The following ANO3 variants were observed in gnomAD, a reference collection of about 807,000 sequenced individuals.
ANO3 encodes anoctamin 3.
In ANO3, 99 loss-of-function variants were observed where a neutral mutation model predicts 144.8. That is an observed-to-expected ratio of 0.68 (90% CI 0.58 to 0.81). The LOEUF (loss-of-function observed/expected upper bound fraction) is 0.81. Among genes scored for constraint, ANO3 ranks in the 30% least tolerant of loss-of-function variants. ANO3 has a pLI of 0.00. For missense variants in ANO3, 905 were observed against 1,202.2 expected (o/e 0.75, Z 3.66); for synonymous variants, 414 against 392.6 (o/e 1.05, Z -0.64).
intron 1 of ANO3, among the ~76,000 whole-genome samples, chr11:26,313,203 G>T (rs545654406): frequency 6.6e-6 from 1 of 152,094 alleles, no homozygotes; most frequent in African/African-American, 2.4e-5. Flanking sequence ...CTTTTCTTAG[G>T]ACATGTGTCC....
chr11:26,445,749 A>G (rs1463926209), intron 3 of ANO3, among the ~76,000 whole-genome samples: 1 of 152,146 alleles, frequency 6.6e-6, no homozygotes, highest in Non-Finnish European at 1.5e-5. Flanking sequence ...TCAGGAATCC[A>G]ACTGGATGTA....
intron 1 of ANO3, among the ~76,000 whole-genome samples, chr11:26,434,681 C>T (rs1287001542): frequency 2.0e-5 from 3 of 152,066 alleles, no homozygotes; most frequent in Non-Finnish European, 2.9e-5. Context: ...ATTTCACTTA[C>T]CTAAAAGTCA....
At chr11:26,241,374 T>C (rs1852661656) in intron 1 of ANO3, among the ~76,000 whole-genome samples, 2 of 152,210 alleles carry the variant, frequency 1.3e-5, no homozygotes, top group South Asian at 4.1e-4. Context: ...TCAAGAGGAA[T>C]AGGACCTAAA....
chr11:26,277,286 A>C (rs1349900335), intron 1 of ANO3, among the ~76,000 whole-genome samples: 1 of 152,140 alleles, frequency 6.6e-6, no homozygotes, highest in African/African-American at 2.4e-5. Context: ...TTCTCATTAT[A>C]TAAATAGAAG....
Position 26,451,083 on chromosome 11 carries a change from A to G in ANO3, c.313+7247A>G, listed in dbSNP as rs534261333. Among the ~76,000 whole-genome samples the G allele has an allele frequency of 1.4e-4, 22 of 152,326 alleles. No homozygotes were observed. The South Asian group carries it at 4.6e-3, about 32-fold the overall frequency. On this transcript the variant is annotated intron_variant, in intron 3 of 26. Transcript: ENST00000256737. Reference sequence around the variant, plus strand: ...ATAAAGCATACAATTGATGATTAGAAAACAGACTTATAGGGGAGGAGCCAA... The same window carrying G: ...ATAAAGCATACAATTGATGATTAGAGAACAGACTTATAGGGGAGGAGCCAA...
chr11:26,490,591 C>T (rs536990971), intron 4 of ANO3, among the ~76,000 whole-genome samples: 23 of 152,208 alleles, frequency 1.5e-4, no homozygotes, highest in East Asian at 1.2e-3. Flanking sequence ...AGATATTCCA[C>T]GTATCTGAAA....
chr11:26,646,003 A>T (rs1853332192), intron 23 of ANO3, among the ~76,000 whole-genome samples: 1 of 152,198 alleles, frequency 6.6e-6, no homozygotes, highest in African/African-American at 2.4e-5. Flanking sequence ...TACTTTGCTC[A>T]AGCCAGACAA....
intron 1 of ANO3, among the ~76,000 whole-genome samples, chr11:26,265,400 C>T (rs1853286926): frequency 6.6e-6 from 1 of 152,156 alleles, no homozygotes; most frequent in Non-Finnish European, 1.5e-5. Flanking sequence ...TCCATGTTAT[C>T]AATGCTTAGC....
intron 4 of ANO3, among the ~76,000 whole-genome samples, chr11:26,496,995 T>TATATATAG: frequency 7.9e-6 from 1 of 126,642 alleles, no homozygotes; most frequent in South Asian, 2.7e-4. Flanking sequence ...TATATATATA[T>TATATATAG]ACACACACAG....
chr11:26,365,574 T>C (rs1856045947), intron 1 of ANO3, among the ~76,000 whole-genome samples: 1 of 152,234 alleles, frequency 6.6e-6, no homozygotes, highest in South Asian at 2.1e-4. Flanking sequence ...TTCACTCTTA[T>C]ACTCTGCATG....
intron 1 of ANO3, among the ~76,000 whole-genome samples, chr11:26,311,485 T>A (rs903268124): frequency 5.9e-5 from 9 of 152,230 alleles, no homozygotes; most frequent in Non-Finnish European, 1.0e-4. Flanking sequence ...AATTTAGGAT[T>A]AGAATTGTTA....
chr11:26,382,593 A>G (rs953049381), intron 1 of ANO3, among the ~76,000 whole-genome samples: 1 of 152,110 alleles, frequency 6.6e-6, no homozygotes, highest in Non-Finnish European at 1.5e-5. Context: ...GTTGTCCCCA[A>G]ATGTTCCTCT....
chr11:26,612,956 C>T (rs538699365), intron 17 of ANO3, among the ~76,000 whole-genome samples: 3 of 152,190 alleles, frequency 2.0e-5, no homozygotes, highest in South Asian at 2.1e-4. Flanking sequence ...GTTTGATTAA[C>T]GAGTACTTTG....
chr11:26,474,587 A>G (rs1859893700), intron 4 of ANO3, among the ~76,000 whole-genome samples: 1 of 151,906 alleles, frequency 6.6e-6, no homozygotes, highest in Non-Finnish European at 1.5e-5. Flanking sequence ...AAATAAATAA[A>G]TCACATCAGG....
intron 1 of ANO3, among the ~76,000 whole-genome samples, chr11:26,249,769 A>G (rs572425436): frequency 1.3e-5 from 2 of 152,106 alleles, no homozygotes; most frequent in Non-Finnish European, 2.9e-5. Flanking sequence ...CTCTGCTGAA[A>G]AAAACAAACA....
At chr11:26,343,357 G>A (rs1287974465) in intron 1 of ANO3, among the ~76,000 whole-genome samples, 1 of 152,164 alleles carries the variant, frequency 6.6e-6, no homozygotes, top group African/African-American at 2.4e-5. Context: ...CAGTGAACAT[G>A]GGAATGCTGA....
intron 1 of ANO3, among the ~76,000 whole-genome samples, chr11:26,288,749 C>A (rs902352457): frequency 1.3e-5 from 2 of 152,010 alleles, no homozygotes; most frequent in Admixed American, 1.3e-4. Context: ...AGGAATATTA[C>A]TTTGCCACCT....
At chr11:26,199,463 G>A (rs747386179) in intron 1 of ANO3, among the ~76,000 whole-genome samples, 7 of 152,090 alleles carry the variant, frequency 4.6e-5, no homozygotes, top group African/African-American at 1.2e-4. Context: ...CAGAATTCAC[G>A]TGGGTCTTTT....
chr11:26,504,546 T>A (rs1268375853), intron 4 of ANO3, among the ~76,000 whole-genome samples: 1 of 148,046 alleles, frequency 6.8e-6, no homozygotes, highest in Non-Finnish European at 1.5e-5. Context: ...AGCACTATAT[T>A]ATGTATTAGA....
Sources: gnomAD v4.1 joint callset for allele counts (sites outside exome capture counted in the v4.1 genomes callset) on GRCh38, gnomAD v4.1.1 for gene constraint, MANE v1.5 for transcripts, NCBI Gene and HGNC (gene_info 2026-07-23, HGNC 2026-07-21) for gene names.